Variants in DLGAP2 observed in about 807,000 individuals in gnomAD.
DLGAP2 encodes the protein disks large-associated protein 2.
A neutral mutation model predicts 100.3 loss-of-function variants in DLGAP2; 26 were observed. That is an observed-to-expected ratio of 0.26 (90% CI 0.19 to 0.36). The LOEUF (loss-of-function observed/expected upper bound fraction) is 0.36. DLGAP2 is among the 10% of genes least tolerant of loss of function. The pLI is 1.00. For synonymous variants in DLGAP2, 886 were observed against 630.1 expected, an observed-to-expected ratio of 1.41 and a Z score of -6.08; for missense variants, 1,858 against 1,453.2, an observed-to-expected ratio of 1.28 and a Z score of -4.53.
In DLGAP2 at chr8:1,385,307, T is replaced by G. The variant is rs57858282; in HGVS notation, c.107-116059T>G. 3.3e-3 allele frequency among the ~76,000 whole-genome samples: 93 copies of G among 28,104 alleles called. 5 individuals are homozygous for G. The highest frequency in any genetic ancestry group is 0.012 in the East Asian group (1 of 84). 18.4% of individuals were successfully genotyped at this position (28,104 alleles called of 152,430 possible). On this transcript the variant is annotated intron_variant, in intron 3 of 14. Transcript: ENST00000637795. ...TGCACAGTTACCCGGCCTGTGCCCG[T>G]CCCCTGAGAACTTGGTGCACAATTA...
chr8:748,797 G>C (rs1820717035), intron 1 of DLGAP2, among the ~76,000 whole-genome samples: 1 of 152,224 alleles, frequency 6.6e-6, no homozygotes, highest in South Asian at 2.1e-4. Flanking sequence ...TGGCTTCCCA[G>C]TGGACAAGGA....
intron 8 of DLGAP2, among the ~76,000 whole-genome samples, chr8:1,653,088 C>T (rs934175865): frequency 3.3e-5 from 5 of 152,158 alleles, no homozygotes; most frequent in Admixed American, 1.3e-4. Context: ...ACATCTATTT[C>T]GACGATTAGG....
Position 1,194,188 on chromosome 8 carries a change from C to T in DLGAP2, c.74-64663C>T, listed in dbSNP as rs568538000. ...GGGAATTTTAAAGAAGAAACTGCCG[C>T]CTGTGGGAGGCCACGCCTTGTTCTC... On this transcript the variant is annotated intron_variant, in intron 2 of 14. Transcript: ENST00000637795. Among the ~76,000 whole-genome samples, 35 of 152,190 alleles carry T rather than the reference C, an allele frequency of 2.3e-4. 1 individual carries two copies. Among genetic ancestry groups the T allele is most frequent in the African/African-American group, 7.2e-4 (30 of 41,532 alleles).
At chr8:1,228,119 C>T (rs554105458) in intron 2 of DLGAP2, among the ~76,000 whole-genome samples, 1 of 152,034 alleles carries the variant, frequency 6.6e-6, no homozygotes, top group African/African-American at 2.4e-5. Flanking sequence ...AGGAGATATA[C>T]CTAATGTAAA....
chr8:1,131,235 G>T (rs1025681874), intron 2 of DLGAP2, among the ~76,000 whole-genome samples: 1 of 152,116 alleles, frequency 6.6e-6, no homozygotes, highest in Non-Finnish European at 1.5e-5. Context: ...TGCCGGGCAC[G>T]TGCCTGCTTT....
intron 2 of DLGAP2, among the ~76,000 whole-genome samples, chr8:1,238,217 ACCGTGTCTAGTTCTCTCACATGGTG>A (rs1798706793): frequency 6.0e-4 from 21 of 35,070 alleles, no homozygotes; most frequent in Admixed American, 8.4e-4. Context: ...CTCACATGGC[ACCGTGTCTAGTTCTCTCACATGGTG>A]CCATGTCTAG....
chr8:738,760 C>T (rs948099984), intron 1 of DLGAP2: 1 of 153,196 alleles, frequency 6.5e-6, no homozygotes, highest in Admixed American at 6.5e-5. Context: ...TGTGCGGTGC[C>T]CGAGGCTTCG....
intron 2 of DLGAP2, among the ~76,000 whole-genome samples, chr8:1,144,126 G>T (rs1385378183): frequency 6.6e-6 from 1 of 152,206 alleles, no homozygotes. Flanking sequence ...AATTAATGAG[G>T]GGAGTCACGG....
intron 2 of DLGAP2, among the ~76,000 whole-genome samples, chr8:1,070,075 A>G (rs1803380686): frequency 1.3e-5 from 2 of 152,238 alleles, no homozygotes; most frequent in African/African-American, 4.8e-5. Context: ...TCTTTTCTCC[A>G]AATCACTACG....
intron 2 of DLGAP2, among the ~76,000 whole-genome samples, chr8:1,115,253 T>C (rs1805081148): frequency 6.6e-6 from 1 of 152,262 alleles, no homozygotes; most frequent in Non-Finnish European, 1.5e-5. Flanking sequence ...TCATTAATTC[T>C]CTCTCAGTGA....
chr8:1,303,428 GGAA>G lies in DLGAP2; in HGVS notation c.106+44547_106+44549del, dbSNP rs1413397237. ...AAAAAAAAAAAAAAAAAAAAAAAAA[GGAA>G]GGAGAAGAGGAGTGTTTTCCTCCAA... is the stretch of plus-strand genomic sequence containing the variant. On this transcript the variant is annotated intron_variant, in intron 3 of 14. Coordinates refer to ENST00000637795, the MANE Select transcript of DLGAP2 (RefSeq NM_001346810.2). 3.4e-5 allele frequency among the ~76,000 whole-genome samples: 5 copies of G among 145,290 alleles called. No individual in the cohort carries two copies. In the East Asian group the frequency reaches 8.1e-4, roughly 24 times the overall value.
chr8:1,106,332 C>T (rs966189449), intron 2 of DLGAP2, among the ~76,000 whole-genome samples: 58 of 123,890 alleles, frequency 4.7e-4, no homozygotes, highest in African/African-American at 1.6e-3. Flanking sequence ...GGAGCCATTC[C>T]AGTAGGGTTT....
intron 3 of DLGAP2, among the ~76,000 whole-genome samples, chr8:1,304,687 A>G (rs955073632): frequency 2.3e-4 from 35 of 152,328 alleles, no homozygotes; most frequent in African/African-American, 8.4e-4. Context: ...AAGTGGCAGG[A>G]GAGAGAATGA....
At chr8:776,688 A>G (rs902018972) in intron 1 of DLGAP2, among the ~76,000 whole-genome samples, 8 of 152,134 alleles carry the variant, frequency 5.3e-5, no homozygotes, top group Non-Finnish European at 8.8e-5. Flanking sequence ...CCTGACTTCT[A>G]GTTTGATTGC....
intron 3 of DLGAP2, among the ~76,000 whole-genome samples, chr8:1,320,818 C>T (rs1014425957): frequency 6.6e-6 from 1 of 152,194 alleles, no homozygotes; most frequent in African/African-American, 2.4e-5. Flanking sequence ...GAGGTGCTGC[C>T]ACCTGTGTGT....
Position 1,444,125 on chromosome 8 carries a change from GC to G in DLGAP2, c.107-57238del, listed in dbSNP as rs372976615. ...CCAGTGCTTTTTGTCTCTCTCCGTT[GC>G]CCAGGCTGGAGTGCAGTGGCGCGAT... On this transcript the variant is annotated intron_variant, in intron 3 of 14. Transcript: ENST00000637795. Among the ~76,000 whole-genome samples, 175 of 152,132 alleles carry G rather than the reference GC, an allele frequency of 1.2e-3. 1 individual carries two copies. The highest frequency in any genetic ancestry group is 4.0e-3 in the African/African-American group (164 of 41,514).
chr8:1,297,309 G>GT (rs1168247411), intron 3 of DLGAP2: 1 of 152,274 alleles, frequency 6.6e-6, no homozygotes, highest in African/African-American at 2.4e-5. Flanking sequence ...CTCCCCTGCT[G>GT]TTTAGGATGA....
chr8:1,436,911 T>A (rs115283571), intron 3 of DLGAP2, among the ~76,000 whole-genome samples: 12 of 152,266 alleles, frequency 7.9e-5, no homozygotes, highest in Admixed American at 5.2e-4. Flanking sequence ...TTCTTACCCC[T>A]GTGTTACAGT....
chr8:877,005 T>TA (rs1246897803), intron 1 of DLGAP2, among the ~76,000 whole-genome samples: 2 of 151,880 alleles, frequency 1.3e-5, no homozygotes, highest in South Asian at 2.1e-4. Flanking sequence ...CCAGGTTTTT[T>TA]TTTTTTTTAT....
Sources: gnomAD v4.1 joint callset for allele counts (sites outside exome capture counted in the v4.1 genomes callset) on GRCh38, gnomAD v4.1.1 for gene constraint, MANE v1.5 for transcripts, NCBI Gene and HGNC (gene_info 2026-07-23, HGNC 2026-07-21) for gene names.